Variants in CAMTA1 observed in about 807,000 individuals in gnomAD.
The protein encoded by CAMTA1 is calmodulin-binding transcription activator 1.
Under a neutral mutation model 170.9 loss-of-function variants are expected in CAMTA1, and 27 were observed. The observed-to-expected ratio is 0.16, with a 90% CI of 0.12 to 0.22. CAMTA1 has a LOEUF of 0.22. Among genes scored for constraint, CAMTA1 ranks in the 10% least tolerant of loss-of-function variants. The probability of loss-of-function intolerance (pLI) is 1.00; values close to 1 mark genes in which losing one functional copy is unlikely to be tolerated. For missense variants in CAMTA1, 1,619 were observed against 2,217.2 expected (o/e 0.73, Z 5.42); for synonymous variants, 833 against 891.5 (o/e 0.93, Z 1.17).
chr1:7,415,661 A>G (rs1455273942), intron 5 of CAMTA1, among the ~76,000 whole-genome samples: 5 of 152,218 alleles, frequency 3.3e-5, no homozygotes, highest in Non-Finnish European at 7.3e-5. Flanking sequence ...GTTTCTGCAC[A>G]TGAGATGGGT....
At chr1:7,745,096 A>T (rs2096847707) in intron 17 of CAMTA1, 74 bp downstream of exon 17, 1 of 1,343,754 alleles carries the variant, frequency 7.4e-7, no homozygotes, top group African/African-American at 1.5e-5. Context: ...GGCTGATTGT[A>T]TTTGATGAAT....
At chr1:7,597,578 G>GGAGA (rs150258747) in intron 6 of CAMTA1, among the ~76,000 whole-genome samples, 1 of 150,814 alleles carries the variant, frequency 6.6e-6, no homozygotes, top group East Asian at 1.9e-4. Context: ...GTATATATAT[G>GGAGA]GAGAGAGAGA....
At chr1:6,786,273 G>C (rs577315332) in intron 1 of CAMTA1, among the ~76,000 whole-genome samples, 1 of 151,900 alleles carries the variant, frequency 6.6e-6, no homozygotes, top group African/African-American at 2.4e-5. Flanking sequence ...GGAAGGGAAG[G>C]GGGCCTGCGC....
chr1:7,408,060 G>A (rs895739979), intron 5 of CAMTA1, among the ~76,000 whole-genome samples: 1 of 152,174 alleles, frequency 6.6e-6, no homozygotes, highest in South Asian at 2.1e-4. Flanking sequence ...CCGGCCACGA[G>A]GCCTGGTCGT....
chr1:6,800,121 T>C (rs1570087696), intron 1 of CAMTA1, among the ~76,000 whole-genome samples: 1 of 152,162 alleles, frequency 6.6e-6, no homozygotes, highest in Non-Finnish European at 1.5e-5. Context: ...TTAAAAAACG[T>C]AGGCCGGGTG....
chr1:7,243,991 T>A (rs1665336292), intron 4 of CAMTA1, among the ~76,000 whole-genome samples: 1 of 152,172 alleles, frequency 6.6e-6, no homozygotes, highest in Non-Finnish European at 1.5e-5. Context: ...AATCTACTCA[T>A]CTGACAAAGG....
At chr1:7,631,081 C>A (rs916010531) in intron 6 of CAMTA1, among the ~76,000 whole-genome samples, 4 of 152,198 alleles carry the variant, frequency 2.6e-5, no homozygotes, top group African/African-American at 7.2e-5. Flanking sequence ...CCCTGCACAC[C>A]CCACAGAGGG....
intron 5 of CAMTA1, among the ~76,000 whole-genome samples, chr1:7,276,057 G>T (rs1478884557): frequency 6.6e-6 from 1 of 151,370 alleles, no homozygotes; most frequent in Admixed American, 6.6e-5. Flanking sequence ...TAATTATGTT[G>T]ATTGAAGGTG....
rs1433614622 is a variant in CAMTA1, at chr1:7,609,932, G to A, written c.511-30468G>A. On this transcript the variant is annotated intron_variant, in intron 6 of 22. Coordinates refer to ENST00000303635, the MANE Select transcript of CAMTA1 (RefSeq NM_015215.4). The surrounding 1 kb of genome is among the most constrained non-coding windows in gnomAD (Gnocchi z 4.4). The stretch of plus-strand genomic sequence containing the variant: ...GTCTTCATTCTCTTATTTGTGAAAT[G>A]AGAGGGTAAACTGTGGGGTCTCCAA... 1.3e-5 allele frequency among the ~76,000 whole-genome samples: 2 copies of A among 152,206 alleles called. No individual in the cohort carries two copies. Among genetic ancestry groups the A allele is most frequent in the Non-Finnish European group, 2.9e-5 (2 of 68,052 alleles).
At chr1:7,196,314 A>G (rs890756153) in intron 4 of CAMTA1, among the ~76,000 whole-genome samples, 2 of 152,154 alleles carry the variant, frequency 1.3e-5, no homozygotes, top group African/African-American at 2.4e-5. Context: ...CTGCAGCACT[A>G]TGAGTCAACT....
At chr1:6,951,538 C>A (rs779874819) in intron 3 of CAMTA1, among the ~76,000 whole-genome samples, 1 of 152,168 alleles carries the variant, frequency 6.6e-6, no homozygotes, top group Non-Finnish European at 1.5e-5. Context: ...TTATAAGAAG[C>A]GTCTTTATCC....
At position 6,851,066 on chromosome 1, in the gene CAMTA1, A is replaced by T. The variant is rs187457998; in HGVS notation, c.234+25856A>T. 1.8e-3 allele frequency among the ~76,000 whole-genome samples: 278 copies of T among 152,334 alleles called. 1 individual carries two copies. The highest frequency in any genetic ancestry group is 6.4e-3 in the African/African-American group (267 of 41,574). On this transcript the variant is annotated intron_variant, in intron 3 of 22. Transcript: ENST00000303635. Reference sequence around the variant, plus strand: ...CAATGTTTGGCACTCAGAAATCACCAGGCAGATGAGGATTTAAGACAATGT... The same window carrying T: ...CAATGTTTGGCACTCAGAAATCACCTGGCAGATGAGGATTTAAGACAATGT...
intron 4 of CAMTA1, among the ~76,000 whole-genome samples, chr1:7,191,544 A>G (rs1357837464): frequency 6.6e-6 from 1 of 152,178 alleles, no homozygotes; most frequent in African/African-American, 2.4e-5. Flanking sequence ...CACAACAAAG[A>G]TTTCTAAGTG....
At chr1:7,270,289 A>ATTTTTTTTTTT (rs1395986038) in intron 5 of CAMTA1, among the ~76,000 whole-genome samples, 2 of 112,776 alleles carry the variant, frequency 1.8e-5, no homozygotes, top group African/African-American at 7.4e-5. Flanking sequence ...ATATATATAT[A>ATTTTTTTTTTT]TATTTTTTTT....
At position 7,251,734 on chromosome 1, in the gene CAMTA1, G is replaced by T. The variant is rs986182421; in HGVS notation, c.438+2108G>T. ...TGAGGGTCATCAATAGTGCTGAGAC[G>T]CAGAGCAGCCTGGGCTTTTATGATA... On this transcript the variant is annotated intron_variant, in intron 5 of 22. Coordinates refer to ENST00000303635, the MANE Select transcript of CAMTA1 (RefSeq NM_015215.4). The surrounding 1 kb of genome is among the most constrained non-coding windows in gnomAD (Gnocchi z 5.1). Among the ~76,000 whole-genome samples the T allele has an allele frequency of 2.6e-5, 4 of 152,320 alleles. No homozygotes were observed. The highest frequency in any genetic ancestry group is 3.9e-4 in the East Asian group (2 of 5,182).
At position 7,641,420 on chromosome 1, in the gene CAMTA1, G is replaced by A. The variant is rs2095759819; in HGVS notation, c.664+867G>A. ...GCAGAACTGTCCCTGGAGCTGGGCTGGAGGGAGGAAGCAGCTGTTGGTCAC... is the reference window on the plus strand; with the variant it reads ...GCAGAACTGTCCCTGGAGCTGGGCTAGAGGGAGGAAGCAGCTGTTGGTCAC... On this transcript the variant is annotated intron_variant, in intron 7 of 22. Transcript: ENST00000303635. The surrounding 1 kb of genome is among the most constrained non-coding windows in gnomAD (Gnocchi z 4.5). Among the ~76,000 whole-genome samples, 1 of 152,180 alleles carries A rather than the reference G, an allele frequency of 6.6e-6. No homozygotes were observed. The highest frequency in any genetic ancestry group is 1.5e-5 in the Non-Finnish European group (1 of 68,028).
chr1:7,289,528 G>C (rs188819598), intron 5 of CAMTA1, among the ~76,000 whole-genome samples: 1 of 152,162 alleles, frequency 6.6e-6, no homozygotes, highest in East Asian at 1.9e-4. Context: ...TCTCACCTTC[G>C]TGTGTTTGTG....
Position 7,664,804 on chromosome 1 carries a change from G to C in CAMTA1, c.2257G>C (p.Gly753Arg). ...CTACCCCGTGGCCCAGCCCAGCCTC[G>C]GCAACGCCTCCAACATGGAGCTCAG... ...GLYPVAQPSL[G>R]NASNMELSLD... is the part of the protein sequence containing the mutation. The change falls in exon 9 of 23, where the codon GGC becomes CGC. Residue 753 changes from glycine to arginine, a missense_variant. By Grantham distance (125) the Gly-to-Arg change is moderately radical (BLOSUM62 -2). Transcript: ENST00000303635. The C allele has an allele frequency of 1.2e-6, 2 of 1,613,166 alleles. No individual in the cohort carries two copies. The highest frequency in any genetic ancestry group is 1.7e-6 in the Non-Finnish European group (2 of 1,179,788).
At chr1:7,645,367 T>TGGC (rs1409121403) in intron 7 of CAMTA1, among the ~76,000 whole-genome samples, 1 of 152,254 alleles carries the variant, frequency 6.6e-6, no homozygotes, top group East Asian at 1.9e-4. Context: ...TGAGCACCCG[T>TGGC]GGCTTTCTTC....
Sources: gnomAD v4.1 joint callset for allele counts (sites outside exome capture counted in the v4.1 genomes callset) on GRCh38, gnomAD v4.1.1 for gene constraint, Gnocchi (gnomAD v3.1) non-coding constraint, MANE v1.5 for transcripts, NCBI Gene and HGNC (gene_info 2026-07-23, HGNC 2026-07-21) for gene names.